AQR: variants seen among roughly 807,000 people sequenced by gnomAD.
AQR encodes RNA helicase aquarius.
In AQR, 61 loss-of-function variants were observed where a neutral mutation model predicts 180.5. The ratio of observed to expected loss-of-function variants is 0.34; its 90% confidence interval spans 0.28 to 0.42. The LOEUF is 0.42. Among genes scored for constraint, AQR ranks in the 10% least tolerant of loss-of-function variants. The pLI is 1.00. For missense variants in AQR, 1,281 were observed against 1,798.3 expected (o/e 0.71, Z 5.20); for synonymous variants, 551 against 588.8 (o/e 0.94, Z 0.93).
intron 25 of AQR, among the ~76,000 whole-genome samples, chr15:34,885,148 C>G (rs1893040614): frequency 6.6e-6 from 1 of 152,154 alleles, no homozygotes; most frequent in Non-Finnish European, 1.5e-5. Context: ...GTAAGTTCAG[C>G]TTTAGCAGCT....
chr15:34,865,064 A>T (rs1892722682), intron 32 of AQR, among the ~76,000 whole-genome samples: 1 of 152,168 alleles, frequency 6.6e-6, no homozygotes, highest in Non-Finnish European at 1.5e-5. Flanking sequence ...AAAACAAAGG[A>T]TGGTAACATG....
At chr15:34,893,279 G>A (rs1198414311) in intron 23 of AQR, among the ~76,000 whole-genome samples, 2 of 152,126 alleles carry the variant, frequency 1.3e-5, no homozygotes, top group African/African-American at 2.4e-5. Context: ...ATTGGCTGGA[G>A]TAAGACCGCA....
intron 13 of AQR, among the ~76,000 whole-genome samples, chr15:34,920,641 G>A (rs4924355): frequency 0.61 from 92,541 of 151,988 alleles, 30,526 homozygotes; most frequent in South Asian, 0.75. Context: ...AGATCCTTCT[G>A]GGCAGTCCCC....
chr15:34,916,650 C>G (rs1011388731), intron 15 of AQR, among the ~76,000 whole-genome samples: 1 of 151,316 alleles, frequency 6.6e-6, no homozygotes, highest in Non-Finnish European at 1.5e-5. Flanking sequence ...ACTAATAGCA[C>G]AAAAAAAGAG....
Position 34,904,351 on chromosome 15 carries a change from C to A in AQR, c.1986G>T (p.Lys662Asn). 1 of 1,584,168 alleles carries A rather than the reference C, an allele frequency of 6.3e-7. No homozygotes were observed. Among genetic ancestry groups the A allele is most frequent in the South Asian group, 1.2e-5 (1 of 83,978 alleles). The change falls in exon 19 of 35, where the codon AAG becomes AAT. Residue 662 changes from lysine to asparagine, a missense_variant. This residue lies in a region of AQR where 28 missense variants were observed against 75.3 expected (regional missense o/e 0.37). Coordinates refer to ENST00000156471, the MANE Select transcript of AQR (RefSeq NM_014691.3). The part of the protein sequence containing the change: ...TFNIIMRRKP[K>N]ENNFKAVLET... The stretch of plus-strand genomic sequence containing the variant: ...CCCAAATTACCTTAAAGTTATTTTC[C>A]TTTGGTTTTCTCCTCATTATTATAT...
intron 4 of AQR, among the ~76,000 whole-genome samples, chr15:34,950,382 C>A (rs959266457): frequency 6.6e-6 from 1 of 151,882 alleles, no homozygotes. Context: ...GCCACCACTC[C>A]CGGCCCTCTT....
intron 3 of AQR, among the ~76,000 whole-genome samples, chr15:34,953,893 A>T (rs1030049264): frequency 6.6e-6 from 1 of 152,160 alleles, no homozygotes; most frequent in Non-Finnish European, 1.5e-5. Context: ...TACTTTGACA[A>T]TGTCTTTTAA....
In AQR at chr15:34,969,729, G is replaced by A. The variant is rs531118504; in HGVS notation, c.-116C>T. The A allele has an allele frequency of 8.8e-6, 9 of 1,024,250 alleles. No homozygotes were observed. The South Asian group carries it at 9.7e-5, about 11-fold the overall frequency. 63.4% of individuals were successfully genotyped at this position (1,024,250 alleles called of 1,614,324 possible). ...GCGCTTAACTCCGCGCCGCACAAAC[G>A]CTCCGGGCCGGATATCCTCAGCCTT... On this transcript the variant is annotated 5_prime_UTR_variant, in exon 1 of 35. Coordinates refer to ENST00000156471, the MANE Select transcript of AQR (RefSeq NM_014691.3).
At chr15:34,961,983 C>T (rs1191838514) in intron 2 of AQR, among the ~76,000 whole-genome samples, 1 of 150,456 alleles carries the variant, frequency 6.6e-6, no homozygotes, top group East Asian at 1.9e-4. Context: ...TTATGAAGTG[C>T]TTTAACATGC....
chr15:34,947,670 C>T (rs1038202013), intron 5 of AQR, among the ~76,000 whole-genome samples: 8 of 151,874 alleles, frequency 5.3e-5, no homozygotes, highest in Non-Finnish European at 1.2e-4. Flanking sequence ...AGACAGGCCT[C>T]GCTCTGTTAC....
chr15:34,894,466 T>A (rs1220734407), intron 22 of AQR, among the ~76,000 whole-genome samples: 1 of 152,188 alleles, frequency 6.6e-6, no homozygotes, highest in East Asian at 1.9e-4. Flanking sequence ...AACTAACTCA[T>A]ATCTAGTAGA....
Position 34,853,078 on chromosome 15 carries a change from T to C in AQR, c.*3714A>G, listed in dbSNP as rs1265865029. 1 of 152,134 alleles carries C rather than the reference T, an allele frequency of 6.6e-6. No homozygotes were observed. The highest frequency in any genetic ancestry group is 1.9e-4 in the East Asian group (1 of 5,192). The allele number at this position is 152,134 out of a possible 1,614,324, so 9.4% of individuals were successfully genotyped here. A position where few individuals can be genotyped will look rare whatever the true frequency, so the allele number is the denominator to read the frequency against. On this transcript the variant is annotated 3_prime_UTR_variant, in exon 35 of 35. Transcript: ENST00000156471. ...AGAGTATCGGTGGATGAAGAAAAAATAGTCTCACATGTCTTCATTTCCATC... is the reference window on the plus strand; with the variant it reads ...AGAGTATCGGTGGATGAAGAAAAAACAGTCTCACATGTCTTCATTTCCATC...
At chr15:34,947,163 C>G (rs1344410159) in intron 5 of AQR, among the ~76,000 whole-genome samples, 2 of 147,134 alleles carry the variant, frequency 1.4e-5, no homozygotes, top group African/African-American at 5.4e-5. Flanking sequence ...TTGTTCTGTA[C>G]TAAGAAAAAT....
chr15:34,960,700 A>G, intron 3 of AQR, 74 bp downstream of exon 3: 1 of 654,616 alleles, frequency 1.5e-6, no homozygotes, highest in Non-Finnish European at 2.6e-6. Context: ...AGTTATGATC[A>G]CATTTAGAAG....
chr15:34,907,496 G>A (rs540192954), intron 17 of AQR, among the ~76,000 whole-genome samples: 2 of 152,296 alleles, frequency 1.3e-5, no homozygotes, highest in African/African-American at 4.8e-5. Context: ...AAATGTAAAT[G>A]TAAACAGTCT....
At chr15:34,857,879 G>A (rs1892611567) in intron 34 of AQR, among the ~76,000 whole-genome samples, 1 of 152,228 alleles carries the variant, frequency 6.6e-6, no homozygotes, top group Non-Finnish European at 1.5e-5. Context: ...GAAAACTGGA[G>A]CAACTCTATA....
chr15:34,910,420 T>G (rs1437931232), intron 16 of AQR, 107 bp from the exon 17 acceptor site: 1 of 1,169,658 alleles, frequency 8.5e-7, no homozygotes, highest in Non-Finnish European at 1.2e-6. Flanking sequence ...AGTATTTAAG[T>G]CCTAATATTA....
intron 2 of AQR, among the ~76,000 whole-genome samples, chr15:34,962,634 T>C (rs1469372522): frequency 2.0e-5 from 3 of 151,814 alleles, no homozygotes; most frequent in Admixed American, 2.0e-4. Flanking sequence ...CAGGGCGTGG[T>C]GGCGTGCATC....
At chr15:34,906,516 T>C (rs778931650) in intron 18 of AQR, 29 bp downstream of exon 18, 3 of 1,612,040 alleles carry the variant, frequency 1.9e-6, no homozygotes, top group Non-Finnish European at 2.5e-6. Context: ...TCTATACACA[T>C]ACTCTTTCAA....
Sources: gnomAD v4.1 joint callset for allele counts (sites outside exome capture counted in the v4.1 genomes callset) on GRCh38, gnomAD v4.1.1 for gene constraint, gnomAD v4.1.1 regional missense constraint, MANE v1.5 for transcripts, NCBI Gene and HGNC (gene_info 2026-07-23, HGNC 2026-07-21) for gene names.